ACSS1: variants seen among roughly 807,000 people sequenced by gnomAD.
ACSS1 encodes acyl-CoA synthetase short chain family member 1, also known as acetyl-coenzyme A synthetase 2-like, mitochondrial.
Under a neutral mutation model 75.3 loss-of-function variants are expected in ACSS1, and 42 were observed. The observed-to-expected ratio is 0.56, with a 90% CI of 0.44 to 0.72. The LOEUF (loss-of-function observed/expected upper bound fraction) is 0.72, where lower values mean the gene tolerates loss of function less well. ACSS1 is among the 30% of genes least tolerant of loss of function. The pLI is 0.00. For synonymous variants in ACSS1, 380 were observed against 376.8 expected (o/e 1.01, Z -0.10); for missense variants, 782 against 935.7 (o/e 0.84, Z 2.14).
chr20:25,030,987 G>C (rs767968090), intron 2 of ACSS1, 29 bp from the exon 3 acceptor site: 1 of 1,609,230 alleles, frequency 6.2e-7, no homozygotes, highest in Non-Finnish European at 8.5e-7. Flanking sequence ...AAAGCCATCA[G>C]AGATGGAGGA....
rs1464895384 is a variant in ACSS1 at position 25,006,762 on chromosome 20, A to G, written c.*1000T>C. On this transcript the variant is annotated 3_prime_UTR_variant, in exon 14 of 14. Transcript: ENST00000323482. ...ATTAAAACAAAGAGAGACTGGATCCAGACCTCCAAGTCTCATCATTGGACC... is the reference window on the plus strand; with the variant it reads ...ATTAAAACAAAGAGAGACTGGATCCGGACCTCCAAGTCTCATCATTGGACC... The G allele has an allele frequency of 1.4e-6, 2 of 1,439,992 alleles. No individual in the cohort carries two copies. Among genetic ancestry groups the G allele is most frequent in the Non-Finnish European group, 1.9e-6 (2 of 1,067,526 alleles). The allele number at this position is 1,439,992 out of a possible 1,614,324, so 89.2% of individuals were successfully genotyped here.
At chr20:25,043,861 G>C (rs1457332715) in intron 2 of ACSS1, among the ~76,000 whole-genome samples, 1 of 152,224 alleles carries the variant, frequency 6.6e-6, no homozygotes, top group African/African-American at 2.4e-5. Context: ...AAAGCCCAGA[G>C]GGATGGGTCC....
In ACSS1 at chr20:25,023,033, G is replaced by C. The variant is rs368749470; in HGVS notation, c.867C>G (p.Leu289=). The part of the protein sequence containing the change: ...APESMGSEDM[L]FMLYTSGSTG... The stretch of plus-strand genomic sequence containing the variant: ...TGCTCCCTGAGGTGTACAGCATGAA[G>C]AGCATGTCCTCACTGCCCATGCTCT... Residue 289 remains leucine, a synonymous_variant, in exon 5 of 14, where the codon CTC becomes CTG. Transcript: ENST00000323482. 6.2e-7 allele frequency: 1 copy of C among 1,614,124 alleles called. No individual in the cohort carries two copies. The highest frequency in any genetic ancestry group is 1.1e-5 in the South Asian group (1 of 91,078).
At chr20:25,035,410 CTT>C (rs59082208) in intron 2 of ACSS1, among the ~76,000 whole-genome samples, 8 of 144,420 alleles carry the variant, frequency 5.5e-5, no homozygotes, top group Admixed American at 1.4e-4. Context: ...TTCCAGGTGA[CTT>C]TTTTTTTTTT....
intron 8 of ACSS1, among the ~76,000 whole-genome samples, 164 bp downstream of exon 8, chr20:25,014,974 A>G (rs2088489874): frequency 6.6e-6 from 1 of 151,974 alleles, no homozygotes; most frequent in African/African-American, 2.4e-5. Context: ...CAGCCAGGCG[A>G]CCTCTGAGTT....
At chr20:25,040,098 T>C (rs960286441) in intron 2 of ACSS1, among the ~76,000 whole-genome samples, 2 of 152,216 alleles carry the variant, frequency 1.3e-5, no homozygotes, top group Admixed American at 6.5e-5. Flanking sequence ...TTGTGGAATT[T>C]GGAAAGGGGT....
At chr20:25,053,250 A>C (rs1234638527) in intron 1 of ACSS1, among the ~76,000 whole-genome samples, 1 of 124,204 alleles carries the variant, frequency 8.1e-6, no homozygotes, top group East Asian at 2.2e-4. Context: ...TTTTTTTTTG[A>C]GATGGGGTTC....
chr20:25,044,967 A>G (rs1017210795), intron 2 of ACSS1, among the ~76,000 whole-genome samples: 1 of 152,160 alleles, frequency 6.6e-6, no homozygotes, highest in Non-Finnish European at 1.5e-5. Context: ...GCGGGGCAAA[A>G]CCGCGGCAGG....
At chr20:25,023,666 C>A (rs1454712771) in intron 3 of ACSS1, 25 bp from the exon 4 acceptor site, 9 of 1,569,794 alleles carry the variant, frequency 5.7e-6, no homozygotes, top group Non-Finnish European at 6.1e-6. Context: ...ACAGACATTT[C>A]TGATCAGTCT....
intron 2 of ACSS1, among the ~76,000 whole-genome samples, chr20:25,045,647 C>T (rs904616861): frequency 2.3e-4 from 35 of 152,212 alleles, no homozygotes; most frequent in Admixed American, 2.1e-3. Flanking sequence ...TGCTGTGGCA[C>T]GAGGCCCATG....
intron 7 of ACSS1, 33 bp from the exon 8 acceptor site, chr20:25,015,263 A>G: frequency 6.5e-7 from 1 of 1,547,822 alleles, no homozygotes; most frequent in Non-Finnish European, 8.8e-7. Flanking sequence ...AGATGTTAAC[A>G]GGCTGCAAAT....
chr20:25,012,133 A>G (rs1025642766), intron 12 of ACSS1: 1 of 175,020 alleles, frequency 5.7e-6, no homozygotes, highest in Admixed American at 5.4e-5. Context: ...AGATTCGTCC[A>G]AAGAGTCCCA....
chr20:25,037,757 G>A (rs764717900), intron 2 of ACSS1, among the ~76,000 whole-genome samples: 9 of 152,230 alleles, frequency 5.9e-5, no homozygotes, highest in East Asian at 1.9e-4. Context: ...CAGGAGGAGC[G>A]TGGAAGGCCA....
Position 25,006,374 on chromosome 20 carries a change from C to T in ACSS1, c.*1388G>A, listed in dbSNP as rs745517079. ...ACAACTGTAGCTACACTACAGCCCC[C>T]CATGCCCAGGGCACAGCTTTGTTGC... On this transcript the variant is annotated 3_prime_UTR_variant, in exon 14 of 14. Coordinates refer to ENST00000323482, the MANE Select transcript of ACSS1 (RefSeq NM_032501.4). The T allele has an allele frequency of 3.6e-4, 58 of 160,582 alleles. No individual in the cohort carries two copies. Among genetic ancestry groups the T allele is most frequent in the Non-Finnish European group, 6.3e-4 (46 of 72,698 alleles). 9.9% of individuals were successfully genotyped at this position (160,582 alleles called of 1,614,324 possible). A position where few individuals can be genotyped will look rare whatever the true frequency, so the allele number is the denominator to read the frequency against.
intron 2 of ACSS1, among the ~76,000 whole-genome samples, chr20:25,047,561 C>T (rs1252054412): frequency 2.0e-5 from 3 of 152,172 alleles, no homozygotes; most frequent in Non-Finnish European, 4.4e-5. Flanking sequence ...AGAGTAATCA[C>T]GCTCGATGAT....
Position 25,048,057 on chromosome 20 carries a change from G to A in ACSS1, c.431+28C>T, listed in dbSNP as rs73348706. ...CAGGACTGGGCTGGGCGCCTCCCTC[G>A]CACCTTGAACATTCGAGGGCACAGT... On this transcript the variant is annotated intron_variant, in intron 2 of 13. Coordinates refer to ENST00000323482, the MANE Select transcript of ACSS1 (RefSeq NM_032501.4). 10,371 of 1,605,952 alleles carry A rather than the reference G, an allele frequency of 6.5e-3. 537 individuals are homozygous for A. In the African/African-American group the frequency reaches 0.12, roughly 19 times the overall value.
chr20:25,007,985 G>A (rs761079749), intron 13 of ACSS1, 44 bp from the exon 14 acceptor site: 10 of 1,602,494 alleles, frequency 6.2e-6, no homozygotes, highest in Non-Finnish European at 8.5e-6. Flanking sequence ...ATGGTGCCCA[G>A]CCTCTGTGCT....
At position 25,057,866 on chromosome 20, in the gene ACSS1, G is replaced by T; in HGVS notation, c.237C>A (p.Asp79Glu). The change falls in exon 1 of 14, where the codon GAC becomes GAA. Residue 79 changes from aspartate (D) to glutamate (E), a missense_variant. By Grantham distance (45) the Asp-to-Glu change is conservative. Coordinates refer to ENST00000323482, the MANE Select transcript of ACSS1 (RefSeq NM_032501.4). ...GGTAGGGGGTGTCCCACACGAGAGT[G>T]TCCCGCGCCAGAGGCCCCCAGAAGG... ...PAAFWGPLAR[D>E]TLVWDTPYHT... 2.5e-6 allele frequency: 4 copies of T among 1,612,684 alleles called. No individual in the cohort carries two copies. The highest frequency in any genetic ancestry group is 3.4e-6 in the Non-Finnish European group (4 of 1,179,652).
chr20:25,039,518 A>C (rs898144209), intron 2 of ACSS1, among the ~76,000 whole-genome samples: 1 of 152,224 alleles, frequency 6.6e-6, no homozygotes, highest in African/African-American at 2.4e-5. Flanking sequence ...TGGGGGTTCA[A>C]TTGAGCCTTT....
Sources: gnomAD v4.1 joint callset for allele counts (sites outside exome capture counted in the v4.1 genomes callset) on GRCh38, gnomAD v4.1.1 for gene constraint, MANE v1.5 for transcripts, NCBI Gene and HGNC (gene_info 2026-07-23, HGNC 2026-07-21) for gene names.